Variants in BTBD9 observed in about 807,000 individuals in gnomAD.
BTBD9 encodes BTB domain containing 9.
BTBD9 carries 49 observed loss-of-function variants against 64.3 expected under a neutral mutation model. That is an observed-to-expected ratio of 0.76 (90% CI 0.61 to 0.97). The LOEUF is 0.97. BTBD9 is among the 50% of genes least tolerant of loss of function. The probability of loss-of-function intolerance (pLI) is 0.00; values close to 1 mark genes in which losing one functional copy is unlikely to be tolerated. For missense variants in BTBD9, 598 were observed against 762.1 expected (o/e 0.78, Z 2.53); for synonymous variants, 260 against 274.7 (o/e 0.95, Z 0.53).
intron 6 of BTBD9, chr6:38,402,705 A>C (rs1344457853): frequency 1.5e-6 from 1 of 657,848 alleles, no homozygotes; most frequent in Non-Finnish European, 2.7e-6. Flanking sequence ...TCAAAACTAT[A>C]ATACTTTTAG....
intron 6 of BTBD9, among the ~76,000 whole-genome samples, chr6:38,536,043 C>G (rs1774007821): frequency 6.6e-6 from 1 of 151,816 alleles, no homozygotes; most frequent in Admixed American, 6.6e-5. Context: ...AAACAATCAA[C>G]AAAGTGAAGA....
intron 7 of BTBD9, among the ~76,000 whole-genome samples, chr6:38,337,331 T>C (rs1763932897): frequency 6.6e-6 from 1 of 152,342 alleles, no homozygotes; most frequent in African/African-American, 2.4e-5. Flanking sequence ...TTCCCAAAAA[T>C]TTTACAGCAT....
At chr6:38,356,076 T>G (rs1582283700) in intron 6 of BTBD9, among the ~76,000 whole-genome samples, 1 of 152,140 alleles carries the variant, frequency 6.6e-6, no homozygotes, top group Non-Finnish European at 1.5e-5. Flanking sequence ...CAGATCAGGT[T>G]ATTTTCTTCC....
At chr6:38,276,240 A>G (rs545129320) in intron 8 of BTBD9, among the ~76,000 whole-genome samples, 3 of 151,954 alleles carry the variant, frequency 2.0e-5, no homozygotes, top group Non-Finnish European at 4.4e-5. Context: ...TCAGCAAACT[A>G]TCGCAAGGAC....
At chr6:38,527,003 C>T (rs1190643618) in intron 6 of BTBD9, among the ~76,000 whole-genome samples, 4 of 151,898 alleles carry the variant, frequency 2.6e-5, no homozygotes, top group South Asian at 2.1e-4. Flanking sequence ...TGGCTGGGTG[C>T]GGTGGCTCAC....
At chr6:38,354,460 G>C (rs528909187) in intron 6 of BTBD9, among the ~76,000 whole-genome samples, 2 of 152,082 alleles carry the variant, frequency 1.3e-5, no homozygotes, top group Admixed American at 6.6e-5. Context: ...TATAGGTTCA[G>C]CTTCAGGCTA....
chr6:38,482,383 G>C (rs980764030), intron 6 of BTBD9: 3 of 151,182 alleles, frequency 2.0e-5, no homozygotes, highest in Admixed American at 6.6e-5. Flanking sequence ...CCAGATGGTA[G>C]TGAGGTGTGA....
rs933758591 is a variant in BTBD9, at chr6:38,468,766, CAATG to C, written c.1154+108830_1154+108833del. ...ATACTCAAACATTTGGTGAATGAAC[CAATG>C]AATGAATATCACAACCTTAGAATAT... On this transcript the variant is annotated intron_variant, in intron 6 of 10. Transcript: ENST00000481247. 8.5e-5 allele frequency among the ~76,000 whole-genome samples: 13 copies of C among 152,162 alleles called. No homozygotes were observed. The South Asian group carries it at 2.1e-3, about 24-fold the overall frequency.
intron 6 of BTBD9, among the ~76,000 whole-genome samples, chr6:38,390,120 G>A (rs556239233): frequency 1.4e-4 from 21 of 152,248 alleles, no homozygotes; most frequent in African/African-American, 4.1e-4. Flanking sequence ...AGTGTGCTGC[G>A]CTACAACACA....
chr6:38,566,172 A>G (rs1335551847), intron 6 of BTBD9: 1 of 152,208 alleles, frequency 6.6e-6, no homozygotes, highest in Admixed American at 6.5e-5. Context: ...ACTACATAAT[A>G]CCATTTTTGT....
At chr6:38,530,491 G>A (rs1244614965) in intron 6 of BTBD9, among the ~76,000 whole-genome samples, 2 of 144,052 alleles carry the variant, frequency 1.4e-5, no homozygotes, top group African/African-American at 4.9e-5. Context: ...GATATGTGCT[G>A]TCACTTCTGG....
At chr6:38,242,072 G>A (rs1444589779) in intron 9 of BTBD9, among the ~76,000 whole-genome samples, 1 of 152,194 alleles carries the variant, frequency 6.6e-6, no homozygotes, top group Non-Finnish European at 1.5e-5. Flanking sequence ...TGACAGCAAG[G>A]TAGGGAATCA....
chr6:38,293,035 T>C (rs1257333025), intron 7 of BTBD9, among the ~76,000 whole-genome samples: 3 of 152,212 alleles, frequency 2.0e-5, no homozygotes, highest in Non-Finnish European at 4.4e-5. Context: ...TTCTCATTGG[T>C]TTCAAAGAAC....
rs1179013365 is a variant in BTBD9 at position 38,577,459 on chromosome 6, T to G, written c.1154+141A>C. On this transcript the variant is annotated intron_variant, in intron 6 of 10. Transcript: ENST00000481247. Reference sequence around the variant, plus strand: ...AGATGCATGATTTTCCATACTTTCCTAAGTTTTTTACTTGGGATATGTTTA... The same window carrying G: ...AGATGCATGATTTTCCATACTTTCCGAAGTTTTTTACTTGGGATATGTTTA... 6 of 776,132 alleles carry G rather than the reference T, an allele frequency of 7.7e-6. No homozygotes were observed. The Admixed American group carries it at 1.8e-4, about 23-fold the overall frequency. The allele number at this position is 776,132 out of a possible 1,614,324, so 48.1% of individuals were successfully genotyped here.
rs1405288009 is a variant in BTBD9, at chr6:38,184,126, CTG to C, written c.1641+8391_1641+8392del. 6.6e-6 allele frequency among the ~76,000 whole-genome samples: 1 copy of C among 152,216 alleles called. No homozygotes were observed. Among genetic ancestry groups the C allele is most frequent in the Admixed American group, 6.5e-5 (1 of 15,284 alleles). On this transcript the variant is annotated intron_variant, in intron 10 of 10. Transcript: ENST00000481247. The surrounding 1 kb of genome is among the most constrained non-coding windows in gnomAD (Gnocchi z 4.4). Reference sequence around the variant, plus strand: ...TCCCTGCAGCCTGTTGTATGAGATGCTGTGTTTGCTTACCCATCCTCTGTGGA... The same window carrying C: ...TCCCTGCAGCCTGTTGTATGAGATGCTGTTTGCTTACCCATCCTCTGTGGA...
At chr6:38,478,562 C>T (rs1358686073) in intron 6 of BTBD9, among the ~76,000 whole-genome samples, 1 of 152,122 alleles carries the variant, frequency 6.6e-6, no homozygotes, top group African/African-American at 2.4e-5. Context: ...CCTTTCTTCC[C>T]ATACTCTCCT....
chr6:38,182,623 C>T (rs1761610667), intron 10 of BTBD9, among the ~76,000 whole-genome samples: 1 of 152,300 alleles, frequency 6.6e-6, no homozygotes, highest in East Asian at 1.9e-4. Context: ...TTTGTGTGAC[C>T]AGGCTCCGCA....
intron 10 of BTBD9, among the ~76,000 whole-genome samples, chr6:38,186,029 T>C (rs371082862): frequency 4.6e-4 from 70 of 152,260 alleles, no homozygotes; most frequent in African/African-American, 1.5e-3. Context: ...AAGAGCTTCG[T>C]TGGAGAATAC....
chr6:38,542,363 C>A (rs536356896), intron 6 of BTBD9, among the ~76,000 whole-genome samples: 1 of 152,188 alleles, frequency 6.6e-6, no homozygotes, highest in East Asian at 1.9e-4. Context: ...AGTTTTCATG[C>A]CAAAAACCCA....
Sources: gnomAD v4.1 joint callset for allele counts (sites outside exome capture counted in the v4.1 genomes callset) on GRCh38, gnomAD v4.1.1 for gene constraint, Gnocchi (gnomAD v3.1) non-coding constraint, MANE v1.5 for transcripts, NCBI Gene and HGNC (gene_info 2026-07-23, HGNC 2026-07-21) for gene names.